The following DOCK4 variants were observed in gnomAD, a reference collection of about 807,000 sequenced individuals.
DOCK4 encodes the protein dedicator of cytokinesis protein 4.
In DOCK4, 97 loss-of-function variants were observed where a neutral mutation model predicts 268.1. The ratio of observed to expected loss-of-function variants is 0.36; its 90% CI spans 0.31 to 0.43. The LOEUF is 0.43. DOCK4 is among the 20% of genes least tolerant of loss of function. The pLI, the probability that DOCK4 is intolerant of heterozygous loss-of-function variation, is 1.00. For synonymous variants in DOCK4, 954 were observed against 887.2 expected, an observed-to-expected ratio of 1.08 and a Z score of -1.34; for missense variants, 2,145 against 2,455.7, an observed-to-expected ratio of 0.87 and a Z score of 2.67.
At chr7:112,075,473 C>T (rs992097565) in intron 1 of DOCK4, among the ~76,000 whole-genome samples, 2 of 152,064 alleles carry the variant, frequency 1.3e-5, no homozygotes, top group Admixed American at 6.6e-5. Context: ...AGTTAGAAAC[C>T]GTAACACTAT....
chr7:112,043,382 T>C (rs999690173), intron 1 of DOCK4, among the ~76,000 whole-genome samples: 8 of 152,222 alleles, frequency 5.3e-5, no homozygotes, highest in African/African-American at 1.9e-4. Flanking sequence ...AAACAGGAGC[T>C]TACTTGTTTT....
At position 112,091,883 on chromosome 7, in the gene DOCK4, G is replaced by C. The variant is rs1008988985; in HGVS notation, c.38-87752C>G. Among the ~76,000 whole-genome samples the C allele has an allele frequency of 1.8e-4, 28 of 152,290 alleles. 1 individual carries two copies. The Middle Eastern group carries it at 0.01, about 55-fold the overall frequency. ...CCATACAGCCTATTTCATAAGCCTG[G>C]TGTTTGTTTCTGAGTATCAGAAGCC... On this transcript the variant is annotated intron_variant, in intron 1 of 52. Transcript: ENST00000428084.
chr7:111,862,254 A>G (rs28461472), intron 23 of DOCK4, among the ~76,000 whole-genome samples: 65,702 of 151,410 alleles, frequency 0.43, 14,670 homozygotes, highest in African/African-American at 0.54. Context: ...AGCCAAGATC[A>G]TGCCTCTGCA....
chr7:111,734,899 A>G (rs1051192116), intron 51 of DOCK4, among the ~76,000 whole-genome samples, 155 bp downstream of exon 51: 6 of 152,200 alleles, frequency 3.9e-5, no homozygotes, highest in African/African-American at 1.4e-4. Context: ...GAAGTTCAGG[A>G]AAGAGGGAGA....
chr7:111,772,362 G>A (rs1798173785), intron 36 of DOCK4, among the ~76,000 whole-genome samples: 1 of 152,042 alleles, frequency 6.6e-6, no homozygotes, highest in South Asian at 2.1e-4. Flanking sequence ...GATAGAGTGA[G>A]ACCCCCATCT....
chr7:111,758,955 A>G (rs1449594128), intron 40 of DOCK4, among the ~76,000 whole-genome samples, 165 bp from the exon 41 acceptor site: 1 of 152,212 alleles, frequency 6.6e-6, no homozygotes, highest in Non-Finnish European at 1.5e-5. Flanking sequence ...ACTCAGTTCT[A>G]GCAAATCACT....
rs148255217 is a variant in DOCK4, at chr7:112,120,070, A to G, written c.37+86032T>C. ...CACCATGTTAGCCAGGATGGTCTCG[A>G]TCTCCTGACCTAGTGATCCGCCCGC... On this transcript the variant is annotated intron_variant, in intron 1 of 52. Transcript: ENST00000428084. Among the ~76,000 whole-genome samples the G allele has an allele frequency of 3.6e-3, 545 of 152,146 alleles. 4 individuals carry two copies. The highest frequency in any genetic ancestry group is 0.013 in the African/African-American group (523 of 41,514).
chr7:112,022,410 G>C (rs867108544), intron 1 of DOCK4, among the ~76,000 whole-genome samples: 1 of 152,232 alleles, frequency 6.6e-6, no homozygotes, highest in Admixed American at 6.5e-5. Context: ...TTCCGCCCCT[G>C]ACCAGCTGAT....
In DOCK4 at chr7:112,146,085, T is replaced by C. The variant is rs925601262; in HGVS notation, c.37+60017A>G. 4.6e-5 allele frequency among the ~76,000 whole-genome samples: 7 copies of C among 152,178 alleles called. No homozygotes were observed. In the South Asian group the frequency reaches 6.2e-4, roughly 14 times the overall value. ...GGATCCAACATCTAAAATCACAACA[T>C]GGCAGTATTCATCAAACACTTAGCA... On this transcript the variant is annotated intron_variant, in intron 1 of 52. Coordinates refer to ENST00000428084, the MANE Select transcript of DOCK4 (RefSeq NM_001363540.2).
At chr7:112,172,330 A>C (rs1355057815) in intron 1 of DOCK4, among the ~76,000 whole-genome samples, 2 of 152,214 alleles carry the variant, frequency 1.3e-5, no homozygotes, top group Non-Finnish European at 2.9e-5. Flanking sequence ...CAGAAGCTTT[A>C]TCTCTTCTTG....
chr7:111,952,642 T>C (rs1796140870), intron 8 of DOCK4, among the ~76,000 whole-genome samples: 1 of 152,208 alleles, frequency 6.6e-6, no homozygotes, highest in Non-Finnish European at 1.5e-5. Flanking sequence ...GACTGGGTAA[T>C]ATCTTCGGTT....
intron 14 of DOCK4, among the ~76,000 whole-genome samples, chr7:111,900,876 C>T (rs780942006): frequency 6.6e-6 from 1 of 152,158 alleles, no homozygotes; most frequent in African/African-American, 2.4e-5. Context: ...TGACTCACTA[C>T]GCCCCAGGGC....
At chr7:111,743,377 C>T (rs1796059468) in intron 44 of DOCK4, among the ~76,000 whole-genome samples, 1 of 152,224 alleles carries the variant, frequency 6.6e-6, no homozygotes. Context: ...CGGGTTGGGG[C>T]ATCCAGCACC....
intron 5 of DOCK4, among the ~76,000 whole-genome samples, chr7:111,992,953 T>C (rs1327025696): frequency 6.6e-6 from 1 of 152,238 alleles, no homozygotes; most frequent in Non-Finnish European, 1.5e-5. Context: ...CTGCATTTCT[T>C]TGCACTTCCC....
chr7:112,192,106 A>G (rs1158780085), intron 1 of DOCK4, among the ~76,000 whole-genome samples: 1 of 150,850 alleles, frequency 6.6e-6, no homozygotes, highest in Non-Finnish European at 1.5e-5. Flanking sequence ...ATATAATTAT[A>G]TACTATAGTT....
At chr7:112,081,586 G>C (rs970235885) in intron 1 of DOCK4, among the ~76,000 whole-genome samples, 3 of 152,092 alleles carry the variant, frequency 2.0e-5, no homozygotes, top group African/African-American at 7.2e-5. Context: ...TGTCTTAAAG[G>C]TCTTGCAACT....
chr7:111,963,347 T>C (rs900562141), intron 8 of DOCK4, among the ~76,000 whole-genome samples: 19 of 135,682 alleles, frequency 1.4e-4, no homozygotes, highest in South Asian at 4.9e-4. Context: ...CCAGTGTGTG[T>C]GCGCACCGTG....
chr7:112,145,310 C>G (rs960451644), intron 1 of DOCK4, among the ~76,000 whole-genome samples: 2 of 152,192 alleles, frequency 1.3e-5, no homozygotes, highest in Non-Finnish European at 2.9e-5. Flanking sequence ...TTTGTTGTAA[C>G]TTGCCACGTC....
chr7:112,139,136 C>G (rs929510652), intron 1 of DOCK4, among the ~76,000 whole-genome samples: 1 of 152,070 alleles, frequency 6.6e-6, no homozygotes, highest in Non-Finnish European at 1.5e-5. Context: ...GATAAGAAAC[C>G]GGTAGCTTCA....
Sources: allele counts gnomAD v4.1 joint callset (sites outside exome capture counted in the v4.1 genomes callset), GRCh38; gene constraint gnomAD v4.1.1; transcripts MANE v1.5; gene names NCBI Gene and HGNC (gene_info 2026-07-23, HGNC 2026-07-21).